The following CXCL12 variants were observed in gnomAD, a reference collection of about 807,000 sequenced individuals.
The protein encoded by CXCL12 is C-X-C motif chemokine ligand 12.
In CXCL12, 4 loss-of-function variants were observed where a neutral mutation model predicts 10.7. That is an observed-to-expected ratio of 0.37 (90% CI 0.18 to 0.86). The LOEUF (loss-of-function observed/expected upper bound fraction) is 0.86, where lower values mean the gene tolerates loss of function less well. Ranked by LOEUF, CXCL12 falls within the 40% of genes least tolerant of loss-of-function variation. The probability of loss-of-function intolerance (pLI) is 0.43; values close to 1 mark genes in which losing one functional copy is unlikely to be tolerated. For missense variants in CXCL12, 122 were observed against 110.4 expected (o/e 1.10, Z -0.47); for synonymous variants, 54 against 45.4 (o/e 1.19, Z -0.77).
At chr10:44,375,784 G>A, downstream of CXCL12, 2 of 1,413,476 alleles carry the variant, frequency 1.4e-6, no homozygotes, top group Non-Finnish European at 1.9e-6. Context: ...AAATACAGAA[G>A]CCGGTGTGGC....
chr10:44,384,348 G>T (rs983708473), intron 1 of CXCL12, among the ~76,000 whole-genome samples: 1 of 152,138 alleles, frequency 6.6e-6, no homozygotes, highest in Non-Finnish European at 1.5e-5. Context: ...GCACAAGCCC[G>T]ACAGCTGCGC....
At chr10:44,375,599 G>C (rs150231761), downstream of CXCL12, among the ~76,000 whole-genome samples, 1 of 152,350 alleles carries the variant, frequency 6.6e-6, no homozygotes, top group Non-Finnish European at 1.5e-5. Flanking sequence ...CCTTCTAAGA[G>C]AGGAAGTGGA....
In CXCL12 at chr10:44,380,844, C is replaced by T. The variant is rs371332557; in HGVS notation, c.98G>A (p.Arg33Gln). ...TCTGGCAACATGGCTTTCGAAGAATCGGCATGGGCATCTGTAGCTCAGGCT... is the reference window on the plus strand; with the variant it reads ...TCTGGCAACATGGCTTTCGAAGAATTGGCATGGGCATCTGTAGCTCAGGCT... The part of the protein sequence containing the change: ...PVSLSYRCPC[R>Q]FFESHVARAN... Residue 33 changes from arginine to glutamine, a missense_variant, in exon 2 of 3, where the codon CGA becomes CAA. Arg to Gln is a conservative substitution (Grantham distance 43). Transcript: ENST00000343575. The T allele has an allele frequency of 5.3e-5, 86 of 1,614,038 alleles. No homozygotes were observed. Among genetic ancestry groups the T allele is most frequent in the Non-Finnish European group, 6.9e-5 (81 of 1,180,044 alleles).
downstream of CXCL12, among the ~76,000 whole-genome samples, chr10:44,375,484 T>TGCTGA (rs17882849): frequency 6.6e-6 from 1 of 151,902 alleles, no homozygotes; most frequent in Admixed American, 6.5e-5. Context: ...AGGCCACCTC[T>TGCTGA]GCTAGCAGGT....
At chr10:44,374,131 G>A (rs1839389009), downstream of CXCL12, 1 of 312,166 alleles carries the variant, frequency 3.2e-6, no homozygotes, top group African/African-American at 2.2e-5. Flanking sequence ...TTCTCAAGGT[G>A]GGACCCACTC....
downstream of CXCL12, chr10:44,372,507 AT>A: frequency 1.9e-6 from 1 of 535,028 alleles, no homozygotes; most frequent in Admixed American, 5.0e-5. Context: ...AAAACATAGG[AT>A]TGGACAATGG....
downstream of CXCL12, chr10:44,375,819 C>A: frequency 1.3e-6 from 2 of 1,529,504 alleles, no homozygotes; most frequent in Non-Finnish European, 1.7e-6. Flanking sequence ...AGCACTGCTC[C>A]CCCACGGAAG....
downstream of CXCL12, chr10:44,374,508 C>T: frequency 6.6e-6 from 3 of 456,010 alleles, no homozygotes; most frequent in Non-Finnish European, 1.3e-5. Context: ...GCCTGTGACC[C>T]CCAGTGCTGG....
downstream of CXCL12, chr10:44,375,877 C>A (rs886680109): frequency 4.4e-6 from 7 of 1,604,900 alleles, no homozygotes; most frequent in Non-Finnish European, 5.9e-6. Context: ...GGAGGAGGAT[C>A]GAGCAAATTT....
At chr10:44,373,421 T>A (rs375111042), downstream of CXCL12, 888 of 1,308,340 alleles carry the variant, frequency 6.8e-4, no homozygotes, top group Non-Finnish European at 7.5e-4. Context: ...GACAGCGGCC[T>A]GCGCGGAGGC....
At chr10:44,377,004 A>T, downstream of CXCL12, 7 of 677,684 alleles carry the variant, frequency 1.0e-5, no homozygotes, top group Non-Finnish European at 1.3e-5. Flanking sequence ...GGGCTGTGAG[A>T]AGGGGTCTCA....
At chr10:44,371,269 C>T, downstream of CXCL12, 1 of 353,356 alleles carries the variant, frequency 2.8e-6, no homozygotes, top group Non-Finnish European at 5.6e-6. Context: ...GAAATGATTC[C>T]TTTCCTGACT....
At chr10:44,383,988 G>C (rs910662460) in intron 1 of CXCL12, among the ~76,000 whole-genome samples, 1 of 152,226 alleles carries the variant, frequency 6.6e-6, no homozygotes, top group Non-Finnish European at 1.5e-5. Context: ...GTTTATTTTG[G>C]TTTGCATCGG....
In CXCL12 at chr10:44,384,962, G is replaced by A. The variant is rs558067362; in HGVS notation, c.44C>T (p.Ala15Val). Residue 15 changes from alanine to valine, a missense_variant, in exon 1 of 3, where the codon GCG becomes GTG. Ala to Val is a moderately conservative substitution (Grantham distance 64, BLOSUM62 0). Coordinates refer to ENST00000343575, the MANE Select transcript of CXCL12 (RefSeq NM_199168.4). ...VVVVLVLVLT[A>V]LCLSDGKPVS... ...GCACTTACCGTCGCTGAGGCAGAGCGCGGTCAGCACGAGGACCAGCACGAC... is the reference window on the plus strand; with the variant it reads ...GCACTTACCGTCGCTGAGGCAGAGCACGGTCAGCACGAGGACCAGCACGAC... 4.6e-5 allele frequency: 72 copies of A among 1,557,518 alleles called. No individual in the cohort carries two copies. In the Admixed American group the frequency reaches 1.0e-3, roughly 22 times the overall value.
intron 1 of CXCL12, among the ~76,000 whole-genome samples, chr10:44,382,976 A>C (rs1839676999): frequency 6.6e-6 from 1 of 152,140 alleles, no homozygotes; most frequent in South Asian, 2.1e-4. Flanking sequence ...GGACCGGGTG[A>C]GCTTGGCTCC....
chr10:44,379,943 T>G (rs1839575576), intron 2 of CXCL12, among the ~76,000 whole-genome samples: 1 of 152,336 alleles, frequency 6.6e-6, no homozygotes, highest in Non-Finnish European at 1.5e-5. Context: ...GTAAAAACAT[T>G]TGGTGTTGGG....
chr10:44,380,708 T>C, intron 2 of CXCL12, 55 bp downstream of exon 2: 1 of 1,428,038 alleles, frequency 7.0e-7, no homozygotes, highest in Non-Finnish European at 9.9e-7. Context: ...TAGATGTTAC[T>C]ATGTTCGTTA....
At chr10:44,383,974 A>C (rs559871409) in intron 1 of CXCL12, among the ~76,000 whole-genome samples, 184 of 152,346 alleles carry the variant, frequency 1.2e-3, no homozygotes, top group Middle Eastern at 6.8e-3. Flanking sequence ...GTTCAGAGGC[A>C]ACAGTTTATT....
At chr10:44,382,555 C>T (rs1188116322) in intron 1 of CXCL12, among the ~76,000 whole-genome samples, 1 of 152,228 alleles carries the variant, frequency 6.6e-6, no homozygotes, top group Non-Finnish European at 1.5e-5. Flanking sequence ...CAGCCGCCCC[C>T]GCTGGGATGG....
Sources: gnomAD v4.1 joint callset for allele counts (sites outside exome capture counted in the v4.1 genomes callset) on GRCh38, gnomAD v4.1.1 for gene constraint, MANE v1.5 for transcripts, NCBI Gene and HGNC (gene_info 2026-07-23, HGNC 2026-07-21) for gene names.